Variants in COG5 observed in about 807,000 individuals in gnomAD.
The protein encoded by COG5 is conserved oligomeric Golgi complex subunit 5.
Under a neutral mutation model 110.4 loss-of-function variants are expected in COG5, and 86 were observed. The ratio of observed to expected loss-of-function variants is 0.78; its 90% CI spans 0.65 to 0.93. The LOEUF is 0.93. Among genes scored for constraint, COG5 ranks in the 40% least tolerant of loss-of-function variants. COG5 has a pLI of 0.00. For synonymous variants in COG5, 360 were observed against 334.6 expected, an observed-to-expected ratio of 1.08 and a Z score of -0.83; for missense variants, 1,077 against 987.0, an observed-to-expected ratio of 1.09 and a Z score of -1.22.
chr7:107,556,919 C>T (rs1803366347), intron 2 of COG5, among the ~76,000 whole-genome samples: 1 of 151,900 alleles, frequency 6.6e-6, no homozygotes, highest in Non-Finnish European at 1.5e-5. Flanking sequence ...TACAGGCGCC[C>T]ACCACCATGC....
intron 6 of COG5, among the ~76,000 whole-genome samples, chr7:107,414,703 CTTTTTTTTTTTTT>C (rs530323655): frequency 6.5e-5 from 4 of 61,716 alleles, no homozygotes; most frequent in East Asian, 4.0e-4. Context: ...CTCACTGTCC[CTTTTTTTTTTTTT>C]TTTTTTTTTT....
At chr7:107,303,410 C>G (rs1006149994) in intron 11 of COG5, among the ~76,000 whole-genome samples, 3 of 151,808 alleles carry the variant, frequency 2.0e-5, no homozygotes, top group African/African-American at 7.3e-5. Context: ...TAAATCTTGA[C>G]ACTAAGTTTT....
At chr7:107,535,094 A>G (rs995805461) in intron 5 of COG5, among the ~76,000 whole-genome samples, 1 of 151,670 alleles carries the variant, frequency 6.6e-6, no homozygotes, top group Non-Finnish European at 1.5e-5. Context: ...AAATTAAGGC[A>G]GAAATAAATC....
At chr7:107,269,044 T>G (rs1445849750) in intron 14 of COG5, among the ~76,000 whole-genome samples, 1 of 152,232 alleles carries the variant, frequency 6.6e-6, no homozygotes, top group Non-Finnish European at 1.5e-5. Context: ...ATTCAATTTT[T>G]GCTTCTTTTG....
rs543283306 is a variant in COG5, at chr7:107,475,677, G to A, written c.538+51560C>T. The A allele has an allele frequency of 6.2e-4, 127 of 204,576 alleles. 1 individual carries two copies. The highest frequency in any genetic ancestry group is 2.1e-3 in the Middle Eastern group (1 of 482). 12.7% of individuals were successfully genotyped at this position (204,576 alleles called of 1,614,324 possible). ...TTAAAACAGTGTATAACTTTAAAATGTAACTGACATAGGTATCCTTGCTTT... is the reference window on the plus strand; with the variant it reads ...TTAAAACAGTGTATAACTTTAAAATATAACTGACATAGGTATCCTTGCTTT... On this transcript the variant is annotated intron_variant, in intron 6 of 21. Coordinates refer to ENST00000297135, the MANE Select transcript of COG5 (RefSeq NM_006348.5).
chr7:107,275,393 G>T (rs1212078112), intron 14 of COG5, among the ~76,000 whole-genome samples: 3 of 150,614 alleles, frequency 2.0e-5, no homozygotes. Flanking sequence ...CTACTGATTT[G>T]TTTCATCTGT....
At chr7:107,316,805 G>T (rs538800749) in intron 11 of COG5, among the ~76,000 whole-genome samples, 3 of 151,584 alleles carry the variant, frequency 2.0e-5, no homozygotes, top group South Asian at 4.2e-4. Flanking sequence ...CACTCCAGCC[G>T]GGGGGACACA....
intron 16 of COG5, among the ~76,000 whole-genome samples, chr7:107,254,553 G>A (rs1375807557): frequency 2.6e-5 from 4 of 152,070 alleles, no homozygotes; most frequent in Non-Finnish European, 5.9e-5. Flanking sequence ...TATCGAGTTC[G>A]AAAAGGCAAA....
At chr7:107,266,793 G>A (rs796217200) in intron 14 of COG5, among the ~76,000 whole-genome samples, 13 of 152,228 alleles carry the variant, frequency 8.5e-5, no homozygotes, top group African/African-American at 3.1e-4. Flanking sequence ...TTAGTATATG[G>A]ACACTGTAAC....
chr7:107,237,686 G>T (rs1051735133), intron 17 of COG5, among the ~76,000 whole-genome samples: 1 of 152,214 alleles, frequency 6.6e-6, no homozygotes, highest in Non-Finnish European at 1.5e-5. Context: ...CTATGTTCCA[G>T]CAGGAAGGGA....
intron 10 of COG5, among the ~76,000 whole-genome samples, chr7:107,355,240 C>T (rs1250551910): frequency 2.0e-5 from 3 of 152,038 alleles, no homozygotes; most frequent in African/African-American, 4.8e-5. Flanking sequence ...TTAGAATAGC[C>T]GATCTCCAAA....
At chr7:107,230,391 G>C (rs1800691765) in intron 19 of COG5, among the ~76,000 whole-genome samples, 1 of 152,064 alleles carries the variant, frequency 6.6e-6, no homozygotes, top group Middle Eastern at 3.4e-3. Flanking sequence ...GCTTAATCTT[G>C]TGAACTGTGA....
intron 12 of COG5, among the ~76,000 whole-genome samples, chr7:107,285,387 A>G (rs977601615): frequency 2.8e-4 from 43 of 152,208 alleles, no homozygotes; most frequent in African/African-American, 1.0e-3. Context: ...GCACTGAATT[A>G]TAAGAACTAA....
At chr7:107,371,820 T>C (rs948252800) in intron 8 of COG5, among the ~76,000 whole-genome samples, 15 of 152,208 alleles carry the variant, frequency 9.9e-5, no homozygotes, top group African/African-American at 3.6e-4. Flanking sequence ...TACCTTGTAG[T>C]GATGGGATCT....
intron 12 of COG5, among the ~76,000 whole-genome samples, chr7:107,294,435 T>C (rs1412542219): frequency 6.6e-6 from 1 of 152,184 alleles, no homozygotes; most frequent in East Asian, 1.9e-4. Flanking sequence ...CATCTTCCAC[T>C]TCTCCAACTC....
intron 14 of COG5, among the ~76,000 whole-genome samples, chr7:107,267,126 A>T (rs1489602339): frequency 6.6e-6 from 1 of 152,164 alleles, no homozygotes; most frequent in East Asian, 1.9e-4. Flanking sequence ...CATGAACACC[A>T]CACAGGAATA....
At chr7:107,541,324 C>T (rs1035712152) in intron 5 of COG5, among the ~76,000 whole-genome samples, 2 of 149,718 alleles carry the variant, frequency 1.3e-5, no homozygotes, top group Admixed American at 6.7e-5. Context: ...GGACAGAACC[C>T]GGTCTCTACA....
At chr7:107,415,793 T>C (rs1792700725) in intron 6 of COG5, among the ~76,000 whole-genome samples, 1 of 138,998 alleles carries the variant, frequency 7.2e-6, no homozygotes, top group Non-Finnish European at 1.6e-5. Flanking sequence ...TACACGTATG[T>C]ATGTATGTGT....
chr7:107,483,626 C>T (rs1401233900), intron 6 of COG5, among the ~76,000 whole-genome samples: 2 of 151,802 alleles, frequency 1.3e-5, no homozygotes, highest in Non-Finnish European at 2.9e-5. Context: ...ATCGCTTGAA[C>T]CTGGGAGGCA....
Sources: allele counts gnomAD v4.1 joint callset (sites outside exome capture counted in the v4.1 genomes callset), GRCh38; gene constraint gnomAD v4.1.1; transcripts MANE v1.5; gene names NCBI Gene and HGNC (gene_info 2026-07-23, HGNC 2026-07-21).